The following CCDC60 variants were observed in gnomAD, a reference collection of about 807,000 sequenced individuals.
CCDC60 encodes the protein coiled-coil domain containing 60, also known as coiled-coil domain-containing protein 60.
CCDC60 carries 54 observed loss-of-function variants against 63.5 expected under a neutral mutation model. The ratio of observed to expected loss-of-function variants is 0.85; its 90% CI spans 0.68 to 1.07. CCDC60 has a LOEUF of 1.07. Among genes scored for constraint, CCDC60 ranks in the 50% least tolerant of loss-of-function variants. The probability of loss-of-function intolerance (pLI) is 0.00; values close to 1 mark genes in which losing one functional copy is unlikely to be tolerated. For synonymous variants in CCDC60, 206 were observed against 238.8 expected (o/e 0.86, Z 1.27); for missense variants, 651 against 684.3 (o/e 0.95, Z 0.54).
At position 119,414,268 on chromosome 12, in the gene CCDC60, C is replaced by T. The variant is rs192352504; in HGVS notation, c.91-14415C>T. Reference sequence around the variant, plus strand: ...TCCTGACCTCAAGAGATCTGCCTGCCGCAACCTCCCAAAGTGCTGGGATTA... The same window carrying T: ...TCCTGACCTCAAGAGATCTGCCTGCTGCAACCTCCCAAAGTGCTGGGATTA... On this transcript the variant is annotated intron_variant, in intron 1 of 13. Coordinates refer to ENST00000327554, the MANE Select transcript of CCDC60 (RefSeq NM_178499.5). Among the ~76,000 whole-genome samples, 8 of 152,240 alleles carry T rather than the reference C, an allele frequency of 5.3e-5. No individual in the cohort carries two copies. In the East Asian group the frequency reaches 1.2e-3, roughly 22 times the overall value.
At chr12:119,471,049 A>C (rs1951046383) in intron 2 of CCDC60, among the ~76,000 whole-genome samples, 1 of 152,220 alleles carries the variant, frequency 6.6e-6, no homozygotes. Context: ...CAAAGTGGGC[A>C]GACAGAAAGA....
chr12:119,396,104 A>C (rs776673950), intron 1 of CCDC60, among the ~76,000 whole-genome samples: 4 of 151,724 alleles, frequency 2.6e-5, no homozygotes, highest in African/African-American at 9.7e-5. Flanking sequence ...CGCCTGGCTA[A>C]TTTTTGTATT....
intron 1 of CCDC60, among the ~76,000 whole-genome samples, chr12:119,412,970 G>C (rs892755139): frequency 6.6e-6 from 1 of 152,022 alleles, no homozygotes; most frequent in South Asian, 2.1e-4. Flanking sequence ...CAAGCCTCCC[G>C]CATTTCCAGA....
At chr12:119,351,760 C>T (rs1955658785) in intron 1 of CCDC60, among the ~76,000 whole-genome samples, 1 of 152,222 alleles carries the variant, frequency 6.6e-6, no homozygotes, top group Non-Finnish European at 1.5e-5. Flanking sequence ...GCCTGGACTT[C>T]ATTGTCCATA....
At chr12:119,353,462 C>G (rs1333000785) in intron 1 of CCDC60, among the ~76,000 whole-genome samples, 2 of 147,706 alleles carry the variant, frequency 1.4e-5, no homozygotes, top group Non-Finnish European at 1.5e-5. Flanking sequence ...CTCTCTCACT[C>G]TCTGTCCATC....
rs1956790623 is a variant in CCDC60 at position 119,420,370 on chromosome 12, A to G, written c.91-8313A>G. On this transcript the variant is annotated intron_variant, in intron 1 of 13. Transcript: ENST00000327554. The surrounding 1 kb of genome is among the most constrained non-coding windows in gnomAD (Gnocchi z 4.1). ...CACCAAAATGGAGTATTATTCAGCTACAAAAAAAAGAGTGAGATCCAGTTA... is the reference window on the plus strand; with the variant it reads ...CACCAAAATGGAGTATTATTCAGCTGCAAAAAAAAGAGTGAGATCCAGTTA... Among the ~76,000 whole-genome samples the G allele has an allele frequency of 6.6e-6, 1 of 152,176 alleles. No homozygotes were observed. The highest frequency in any genetic ancestry group is 2.1e-4 in the South Asian group (1 of 4,828).
At chr12:119,528,837 G>C in intron 12 of CCDC60, 91 bp downstream of exon 12, 1 of 1,298,970 alleles carries the variant, frequency 7.7e-7, no homozygotes, top group South Asian at 1.5e-5. Context: ...TGTCCTTCAA[G>C]GCATAGAGAG....
At chr12:119,412,766 C>CA in intron 1 of CCDC60, among the ~76,000 whole-genome samples, 1 of 118,932 alleles carries the variant, frequency 8.4e-6, no homozygotes, top group Middle Eastern at 4.7e-3. Context: ...GCCCCCCACC[C>CA]CCCCCCACCC....
chr12:119,440,673 C>T (rs1244973589), intron 2 of CCDC60, among the ~76,000 whole-genome samples: 1 of 152,018 alleles, frequency 6.6e-6, no homozygotes, highest in Non-Finnish European at 1.5e-5. Flanking sequence ...GGGAAGTAGT[C>T]TCAGGATCGA....
At chr12:119,519,467 AT>A (rs60025828) in intron 8 of CCDC60, among the ~76,000 whole-genome samples, 2,019 of 95,220 alleles carry the variant, frequency 0.021, 34 homozygotes, top group African/African-American at 0.04. Context: ...ATATATATAT[AT>A]TTTTTTTTTT....
At chr12:119,439,567 A>G (rs180964838) in intron 2 of CCDC60, among the ~76,000 whole-genome samples, 1 of 152,348 alleles carries the variant, frequency 6.6e-6, no homozygotes, top group Admixed American at 6.5e-5. Context: ...GAGAGAGCCA[A>G]TGATTTAAAG....
At chr12:119,415,956 T>A (rs994020055) in intron 1 of CCDC60, among the ~76,000 whole-genome samples, 2 of 152,074 alleles carry the variant, frequency 1.3e-5, no homozygotes, top group Non-Finnish European at 2.9e-5. Flanking sequence ...GTATCAAGGA[T>A]TGGAGGGTAC....
intron 2 of CCDC60, among the ~76,000 whole-genome samples, chr12:119,461,614 G>T (rs938024749): frequency 6.6e-6 from 1 of 152,160 alleles, no homozygotes; most frequent in Admixed American, 6.5e-5. Context: ...AGAAGAAATT[G>T]TATTGCATAG....
chr12:119,335,292 A>C, intron 1 of CCDC60, 26 bp downstream of exon 1: 1 of 1,525,900 alleles, frequency 6.6e-7, no homozygotes, highest in Non-Finnish European at 8.9e-7. Context: ...GCTGAAACCA[A>C]TCATGTTTTC....
chr12:119,491,871 T>G (rs1951595728), intron 5 of CCDC60, among the ~76,000 whole-genome samples: 1 of 152,098 alleles, frequency 6.6e-6, no homozygotes, highest in African/African-American at 2.4e-5. Context: ...GAAAAGAACA[T>G]CATGTGGAAT....
chr12:119,464,635 C>T (rs886351917), intron 2 of CCDC60, among the ~76,000 whole-genome samples: 1 of 152,236 alleles, frequency 6.6e-6, no homozygotes, highest in South Asian at 2.1e-4. Context: ...TACTCCGTCC[C>T]TTTTGGAAAT....
intron 4 of CCDC60, among the ~76,000 whole-genome samples, chr12:119,480,923 T>A (rs1300878426): frequency 6.8e-6 from 1 of 147,664 alleles, no homozygotes; most frequent in African/African-American, 2.5e-5. Context: ...ATCACCATCA[T>A]CATCACCATC....
intron 2 of CCDC60, among the ~76,000 whole-genome samples, chr12:119,443,707 C>A (rs1265942145): frequency 1.3e-5 from 2 of 152,182 alleles, no homozygotes; most frequent in Non-Finnish European, 2.9e-5. Context: ...TCTTTAAAAC[C>A]AGCTTCCCAA....
intron 1 of CCDC60, among the ~76,000 whole-genome samples, chr12:119,338,548 G>A (rs1253230651): frequency 2.0e-5 from 3 of 152,178 alleles, no homozygotes; most frequent in Non-Finnish European, 2.9e-5. Flanking sequence ...ATTCATATCT[G>A]TCTGGCTCTG....
Sources: allele counts gnomAD v4.1 joint callset (sites outside exome capture counted in the v4.1 genomes callset), GRCh38; gene constraint gnomAD v4.1.1; non-coding constraint Gnocchi (gnomAD v3.1); transcripts MANE v1.5; gene names NCBI Gene and HGNC (gene_info 2026-07-23, HGNC 2026-07-21).